The following CEP350 variants were observed in gnomAD, a reference collection of about 807,000 sequenced individuals.
CEP350 encodes the protein centrosomal protein 350.
CEP350 carries 126 observed loss-of-function variants against 331.8 expected under a neutral mutation model. That is an observed-to-expected ratio of 0.38 (90% CI 0.33 to 0.44). The LOEUF (loss-of-function observed/expected upper bound fraction) is 0.44, where lower values mean the gene tolerates loss of function less well. CEP350 is among the 20% of genes least tolerant of loss of function. The probability of loss-of-function intolerance (pLI) is 1.00; values close to 1 mark genes in which losing one functional copy is unlikely to be tolerated. For synonymous variants in CEP350, 1,200 were observed against 1,259.5 expected (o/e 0.95, Z 1.00); for missense variants, 3,406 against 3,634.6 (o/e 0.94, Z 1.62).
At chr1:179,991,203 A>G (rs2148688011) in intron 4 of CEP350, among the ~76,000 whole-genome samples, 1 of 151,398 alleles carries the variant, frequency 6.6e-6, no homozygotes, top group South Asian at 2.1e-4. Context: ...TTTTCTTGGG[A>G]TTTAAAATCA....
At chr1:180,022,394 A>G (rs1366091201) in intron 12 of CEP350, among the ~76,000 whole-genome samples, 2 of 152,088 alleles carry the variant, frequency 1.3e-5, no homozygotes, top group African/African-American at 4.8e-5. Context: ...GGGGGGTGGG[A>G]GATGAAGGTA....
At chr1:179,975,956 A>G (rs1450315304) in intron 1 of CEP350, among the ~76,000 whole-genome samples, 1 of 152,188 alleles carries the variant, frequency 6.6e-6, no homozygotes, top group African/African-American at 2.4e-5. Flanking sequence ...AGACAGAAGT[A>G]GAGAACCCAT....
At chr1:179,965,383 A>G (rs997354304) in intron 1 of CEP350, among the ~76,000 whole-genome samples, 3 of 152,152 alleles carry the variant, frequency 2.0e-5, no homozygotes, top group Non-Finnish European at 4.4e-5. Context: ...TTTTGGGTAC[A>G]GTATTCTGTA....
At position 180,031,375 on chromosome 1, in the gene CEP350, A is replaced by G; in HGVS notation, c.3606A>G (p.Ala1202=). ...VQNSLLDEEK[A]ERGSHQGKKS... is the part of the protein sequence containing the mutation. ...ACTCACTTCTTGATGAGGAAAAAGC[A>G]GAACGTGGCTCCCATCAAGGAAAGA... The change falls in exon 15 of 38, where the codon GCA becomes GCG. Residue 1202 remains alanine (A), a synonymous_variant. Transcript: ENST00000367607. The G allele has an allele frequency of 6.2e-7, 1 of 1,608,696 alleles. No homozygotes were observed. The highest frequency in any genetic ancestry group is 8.5e-7 in the Non-Finnish European group (1 of 1,176,222).
chr1:179,972,290 C>G (rs778042904), intron 1 of CEP350, among the ~76,000 whole-genome samples: 2 of 151,906 alleles, frequency 1.3e-5, no homozygotes, highest in Non-Finnish European at 2.9e-5. Context: ...AGCAAAAAAG[C>G]TGAAGGTCAA....
chr1:179,974,113 T>C (rs1401077791), intron 1 of CEP350, among the ~76,000 whole-genome samples: 8 of 151,666 alleles, frequency 5.3e-5, no homozygotes, highest in Non-Finnish European at 1.0e-4. Context: ...GGAGTCTCGC[T>C]CTGTTGCCCA....
At chr1:180,072,398 G>A (rs1382452903) in intron 27 of CEP350, among the ~76,000 whole-genome samples, 2 of 152,192 alleles carry the variant, frequency 1.3e-5, no homozygotes, top group East Asian at 3.9e-4. Context: ...GGTCATGCAT[G>A]CATTTAGCAG....
At chr1:179,974,522 C>T (rs541504248) in intron 1 of CEP350, among the ~76,000 whole-genome samples, 7 of 152,138 alleles carry the variant, frequency 4.6e-5, no homozygotes, top group Non-Finnish European at 8.8e-5. Flanking sequence ...GAGACTGATA[C>T]ATATATGCTA....
intron 5 of CEP350, 68 bp downstream of exon 5, chr1:179,992,289 G>A (rs1313513223): frequency 1.8e-5 from 23 of 1,308,042 alleles, no homozygotes; most frequent in South Asian, 4.1e-5. Flanking sequence ...AAGAGTATAC[G>A]TTGTTTTCTG....
At chr1:180,021,231 A>T (rs574380251) in intron 12 of CEP350, among the ~76,000 whole-genome samples, 49 of 152,332 alleles carry the variant, frequency 3.2e-4, no homozygotes, top group African/African-American at 1.1e-3. Context: ...TTATCATAAA[A>T]TAATAGTTGA....
intron 6 of CEP350, among the ~76,000 whole-genome samples, chr1:179,998,420 C>G (rs1276869272): frequency 1.3e-5 from 2 of 151,182 alleles, no homozygotes; most frequent in Non-Finnish European, 2.9e-5. Context: ...GCAGTTCTGC[C>G]TCAGCCTCCC....
At chr1:180,038,901 G>A (rs570874010) in intron 17 of CEP350, among the ~76,000 whole-genome samples, 1 of 152,028 alleles carries the variant, frequency 6.6e-6, no homozygotes, top group Middle Eastern at 3.4e-3. Context: ...TTCTTTTGTG[G>A]TAGAACCTTT....
intron 1 of CEP350, among the ~76,000 whole-genome samples, chr1:179,958,242 A>G (rs1417756489): frequency 6.6e-6 from 1 of 152,160 alleles, no homozygotes; most frequent in African/African-American, 2.4e-5. Context: ...AATTGATACC[A>G]TTGGAGCAAC....
At chr1:180,046,776 A>C (rs1264851538) in intron 21 of CEP350, among the ~76,000 whole-genome samples, 2 of 152,284 alleles carry the variant, frequency 1.3e-5, no homozygotes, top group East Asian at 3.9e-4. Context: ...GGGACCATGC[A>C]TACTTGTATC....
rs1486484995 is a variant in CEP350, at chr1:180,113,687, C to G, written c.*2526C>G. On this transcript the variant is annotated 3_prime_UTR_variant, in exon 38 of 38. Transcript: ENST00000367607. ...AGATGTGGATACCCAGCCACTCGTT[C>G]CATATTGGTATCTTTTTAAATCAGC... The G allele has an allele frequency of 6.7e-6, 1 of 150,088 alleles. No individual in the cohort carries two copies. Among genetic ancestry groups the G allele is most frequent in the Admixed American group, 6.6e-5 (1 of 15,116 alleles). 9.3% of individuals were successfully genotyped at this position (150,088 alleles called of 1,614,324 possible).
intron 18 of CEP350, 94 bp from the exon 19 acceptor site, chr1:180,041,568 G>A (rs930645763): frequency 5.6e-6 from 7 of 1,247,862 alleles, no homozygotes; most frequent in Non-Finnish European, 5.5e-6. Flanking sequence ...TTTTTACTAT[G>A]AATAAGACAT....
chr1:180,060,967 C>T lies in CEP350; in HGVS notation c.5263-1253C>T, dbSNP rs138340164. Among the ~76,000 whole-genome samples, 1,338 of 152,082 alleles carry T rather than the reference C, an allele frequency of 8.8e-3. 11 individuals carry two copies. The highest frequency in any genetic ancestry group is 0.02 in the Middle Eastern group (6 of 294). On this transcript the variant is annotated intron_variant, in intron 25 of 37. Coordinates refer to ENST00000367607, the MANE Select transcript of CEP350 (RefSeq NM_014810.5). ...TCTGAGGAGTTGGGGCACAAGATTG[C>T]AGACTAGTTTTATCTGTAATGTTTT... is the stretch of plus-strand genomic sequence containing the variant.
chr1:180,044,835 A>C (rs1368170409), intron 21 of CEP350, among the ~76,000 whole-genome samples: 2 of 151,672 alleles, frequency 1.3e-5, no homozygotes, highest in Non-Finnish European at 1.5e-5. Context: ...AATAATAATA[A>C]AATTTAAAAA....
intron 14 of CEP350, 42 bp downstream of exon 14, chr1:180,024,624 AT>A: frequency 6.4e-7 from 1 of 1,553,974 alleles, no homozygotes; most frequent in East Asian, 2.3e-5. Context: ...CTTACCAATG[AT>A]TTTGTTGTAG....
Sources: gnomAD v4.1 joint callset for allele counts (sites outside exome capture counted in the v4.1 genomes callset) on GRCh38, gnomAD v4.1.1 for gene constraint, MANE v1.5 for transcripts, NCBI Gene and HGNC (gene_info 2026-07-23, HGNC 2026-07-21) for gene names.